Variants in NT5C2 observed in about 807,000 individuals in gnomAD.
NT5C2 encodes 5'-nucleotidase, cytosolic II, also known as cytosolic purine 5'-nucleotidase.
In NT5C2, 58 loss-of-function variants were observed where a neutral mutation model predicts 76.1. The observed-to-expected ratio is 0.76, with a 90% CI of 0.62 to 0.95. The LOEUF (loss-of-function observed/expected upper bound fraction) is 0.95, where lower values mean the gene tolerates loss of function less well. Among genes scored for constraint, NT5C2 ranks in the 40% least tolerant of loss-of-function variants. NT5C2 has a pLI of 0.00. For synonymous variants in NT5C2, 229 were observed against 237.4 expected, an observed-to-expected ratio of 0.96 and a Z score of 0.32; for missense variants, 478 against 690.3, an observed-to-expected ratio of 0.69 and a Z score of 3.45.
At chr10:103,091,159 C>CTAAT (rs1404077685) in intron 16 of NT5C2, among the ~76,000 whole-genome samples, 163 bp from the exon 17 acceptor site, 1 of 152,008 alleles carries the variant, frequency 6.6e-6, no homozygotes, top group African/African-American at 2.4e-5. Flanking sequence ...CTCAGCCACC[C>CTAAT]TAATTAGCTG....
In NT5C2 at chr10:103,089,001, A is replaced by AAT. The variant is rs1199434588; in HGVS notation, c.*669_*670dup. ...AGAAGGAGGTTGTTTTTGGATAACA[A>AAT]ATAAGCATTTGTGCTATTAAACAAA... On this transcript the variant is annotated 3_prime_UTR_variant, in exon 19 of 19. Coordinates refer to ENST00000404739, the MANE Select transcript of NT5C2 (RefSeq NM_001351169.2). 8 of 211,024 alleles carry AAT rather than the reference A, an allele frequency of 3.8e-5. No homozygotes were observed. The highest frequency in any genetic ancestry group is 3.0e-3 in the Middle Eastern group (2 of 664). The allele number at this position is 211,024 out of a possible 1,614,324, so 13.1% of individuals were successfully genotyped here.
chr10:103,125,427 T>G (rs2076481851), intron 4 of NT5C2: 1 of 253,178 alleles, frequency 3.9e-6, no homozygotes, highest in African/African-American at 2.3e-5. Flanking sequence ...TGTGGTGGCG[T>G]GGAAAGATGA....
intron 4 of NT5C2, among the ~76,000 whole-genome samples, chr10:103,123,750 A>G (rs928610557): frequency 2.0e-5 from 3 of 152,200 alleles, no homozygotes; most frequent in Non-Finnish European, 4.4e-5. Context: ...CTCAGAATCT[A>G]AAGTGCTGGA....
At chr10:103,102,883 T>C (rs2070162628) in intron 6 of NT5C2, among the ~76,000 whole-genome samples, 1 of 151,628 alleles carries the variant, frequency 6.6e-6, no homozygotes, top group South Asian at 2.1e-4. Context: ...ATAACTGAGA[T>C]CATCTACGTA....
intron 4 of NT5C2, among the ~76,000 whole-genome samples, chr10:103,136,788 C>G (rs542269546): frequency 1.1e-4 from 17 of 152,158 alleles, no homozygotes; most frequent in African/African-American, 4.1e-4. Context: ...CCACACCCAA[C>G]TAATTTTTGT....
At position 103,174,986 on chromosome 10, in the gene NT5C2, G is replaced by T; in HGVS notation, c.-24-4C>A. The stretch of plus-strand genomic sequence containing the variant: ...TATTTTAACTGTATTTTGTATTCTA[G>T]AAAAGAAAATCATTAATTTAGTAAC... On this transcript the variant is annotated splice_polypyrimidine_tract_variant and splice_region_variant and intron_variant, in intron 2 of 18. Transcript: ENST00000404739. 6.9e-7 allele frequency: 1 copy of T among 1,456,666 alleles called. No homozygotes were observed. The allele number at this position is 1,456,666 out of a possible 1,614,324, so 90.2% of individuals were successfully genotyped here.
intron 11 of NT5C2, 129 bp downstream of exon 11, chr10:103,097,162 T>TA: frequency 1.5e-6 from 1 of 683,676 alleles, no homozygotes; most frequent in Non-Finnish European, 2.3e-6. Flanking sequence ...TTTGCCTTTT[T>TA]ACTCTTTGAA....
chr10:103,192,071 T>C (rs900997019), intron 1 of NT5C2, among the ~76,000 whole-genome samples: 3 of 152,114 alleles, frequency 2.0e-5, no homozygotes, highest in Admixed American at 1.3e-4. Context: ...TGAAAAGCCA[T>C]GTGGTAAATA....
chr10:103,123,729 T>C (rs758311412), intron 4 of NT5C2, among the ~76,000 whole-genome samples: 2 of 152,200 alleles, frequency 1.3e-5, no homozygotes, highest in Non-Finnish European at 2.9e-5. Context: ...TTGCTGGATT[T>C]ACTGAAACGG....
intron 3 of NT5C2, chr10:103,169,453 C>T (rs1591701664): frequency 6.6e-6 from 1 of 152,064 alleles, no homozygotes; most frequent in Admixed American, 6.6e-5. Flanking sequence ...TTTGTCTCTA[C>T]AAAAACAATA....
chr10:103,180,277 C>A lies in NT5C2; in HGVS notation c.-25+908G>T, dbSNP rs563352714. On this transcript the variant is annotated intron_variant, in intron 2 of 18. Coordinates refer to ENST00000404739, the MANE Select transcript of NT5C2 (RefSeq NM_001351169.2). ...AATGTTGTTGAGAATGTAGAGCAACCTGAATTCTACTACACTGCTGGAAAG... is the reference window on the plus strand; with the variant it reads ...AATGTTGTTGAGAATGTAGAGCAACATGAATTCTACTACACTGCTGGAAAG... Among the ~76,000 whole-genome samples the A allele has an allele frequency of 5.9e-5, 9 of 152,212 alleles. No individual in the cohort carries two copies. The South Asian group carries it at 1.9e-3, about 32-fold the overall frequency.
chr10:103,173,611 C>CAAAA (rs1323084034), intron 3 of NT5C2, among the ~76,000 whole-genome samples: 1 of 43,174 alleles, frequency 2.3e-5, no homozygotes, highest in Non-Finnish European at 4.5e-5. Flanking sequence ...GACGCCGTCT[C>CAAAA]AAAAAAAAAA....
chr10:103,139,580 T>A (rs1295034598), intron 3 of NT5C2, 101 bp from the exon 4 acceptor site: 1 of 837,726 alleles, frequency 1.2e-6, no homozygotes, highest in East Asian at 2.8e-5. Context: ...CATTTATTTT[T>A]CCAATTGATT....
chr10:103,110,753 T>C (rs1200254664), intron 4 of NT5C2, among the ~76,000 whole-genome samples: 1 of 152,166 alleles, frequency 6.6e-6, no homozygotes, highest in Non-Finnish European at 1.5e-5. Flanking sequence ...ACAAATGATT[T>C]TCCCAGATAA....
chr10:103,183,749 T>C (rs189455657), intron 1 of NT5C2, among the ~76,000 whole-genome samples: 30 of 151,914 alleles, frequency 2.0e-4, no homozygotes, highest in African/African-American at 7.0e-4. Context: ...CAGGTGATGG[T>C]TACACTAAAA....
At chr10:103,092,492 G>A (rs995912701) in intron 15 of NT5C2, among the ~76,000 whole-genome samples, 1 of 152,244 alleles carries the variant, frequency 6.6e-6, no homozygotes. Flanking sequence ...CAGATTTCAA[G>A]TTATGGAGCC....
chr10:103,162,472 TTCA>T (rs1328451381), intron 3 of NT5C2, among the ~76,000 whole-genome samples: 1 of 152,214 alleles, frequency 6.6e-6, no homozygotes, highest in African/African-American at 2.4e-5. Context: ...AACCTATTTA[TTCA>T]TCAGAAAAAT....
rs1324827686 is a variant in NT5C2 at position 103,088,231 on chromosome 10, A to AAAAT, written c.*1437_*1440dup. ...TATTGACCAATGACAAGAATGGAAG[A>AAAAT]AAATATACAATGGTTAAAGAAAGAG... On this transcript the variant is annotated 3_prime_UTR_variant, in exon 19 of 19. Transcript: ENST00000404739. The AAAAT allele has an allele frequency of 1.3e-5, 2 of 152,250 alleles. No homozygotes were observed. Among genetic ancestry groups the AAAAT allele is most frequent in the East Asian group, 1.9e-4 (1 of 5,206 alleles). The allele number at this position is 152,250 out of a possible 1,614,324, so 9.4% of individuals were successfully genotyped here.
At chr10:103,153,563 T>C (rs1050807337) in intron 3 of NT5C2, 1 of 985,394 alleles carries the variant, frequency 1.0e-6, no homozygotes, top group Non-Finnish European at 1.2e-6. Context: ...CTGAACTGTT[T>C]AAGGCTGGCC....
Sources: allele counts gnomAD v4.1 joint callset (sites outside exome capture counted in the v4.1 genomes callset), GRCh38; gene constraint gnomAD v4.1.1; transcripts MANE v1.5; gene names NCBI Gene and HGNC (gene_info 2026-07-23, HGNC 2026-07-21).